The following MAP2 variants were observed in gnomAD, a reference collection of about 807,000 sequenced individuals.
The protein encoded by MAP2 is microtubule-associated protein 2.
MAP2 carries 14 observed loss-of-function variants against 137.6 expected under a neutral mutation model. The observed-to-expected ratio is 0.10, with a 90% confidence interval of 0.07 to 0.16. The LOEUF (loss-of-function observed/expected upper bound fraction) is 0.16. Among genes scored for constraint, MAP2 ranks in the 10% least tolerant of loss-of-function variants. The pLI, the probability that MAP2 is intolerant of heterozygous loss-of-function variation, is 1.00. For synonymous variants in MAP2, 786 were observed against 782.3 expected, an observed-to-expected ratio of 1.00 and a Z score of -0.08; for missense variants, 2,088 against 2,191.5, an observed-to-expected ratio of 0.95 and a Z score of 0.94.
intron 1 of MAP2, among the ~76,000 whole-genome samples, chr2:209,504,099 A>G (rs1291377946): frequency 2.1e-5 from 2 of 93,794 alleles, no homozygotes; most frequent in Non-Finnish European, 5.6e-5. Context: ...CTGTCTCTGG[A>G]AAAAAAAAAA....
chr2:209,577,916 T>C (rs367575788), intron 2 of MAP2, among the ~76,000 whole-genome samples: 27 of 152,222 alleles, frequency 1.8e-4, no homozygotes, highest in African/African-American at 6.5e-4. Context: ...TCAAATACAA[T>C]CCAGCACAGA....
chr2:209,436,024 A>T (rs984595456), intron 1 of MAP2, among the ~76,000 whole-genome samples: 10 of 123,078 alleles, frequency 8.1e-5, no homozygotes, highest in Non-Finnish European at 1.2e-4. Context: ...ATTATATATA[A>T]AATATATATA....
At chr2:209,552,496 T>A (rs2069412998) in intron 2 of MAP2, among the ~76,000 whole-genome samples, 2 of 152,228 alleles carry the variant, frequency 1.3e-5, no homozygotes, top group Non-Finnish European at 2.9e-5. Flanking sequence ...CATTTGTGTG[T>A]TACTACCATC....
chr2:209,499,957 T>A (rs1476284769), intron 1 of MAP2, among the ~76,000 whole-genome samples: 2 of 152,166 alleles, frequency 1.3e-5, no homozygotes, highest in Non-Finnish European at 2.9e-5. Flanking sequence ...ACATGAGATT[T>A]GGGTGGAGAC....
rs2059535568 is a variant in MAP2, at chr2:209,693,755, G to C, written c.1585G>C (p.Glu529Gln). The change falls in exon 8 of 16, where the codon GAA becomes CAA. Residue 529 changes from glutamate to glutamine, a missense_variant. This residue lies in a region of MAP2 where 859 missense variants were observed against 794.5 expected (regional missense o/e 1.08). Transcript: ENST00000682079. Reference sequence around the variant, plus strand: ...CATGACCGAACCATCTGCATTAATTGAAAAGAGCTCAATTCAGGAACTTTT... The same window carrying C: ...CATGACCGAACCATCTGCATTAATTCAAAAGAGCTCAATTCAGGAACTTTT... ...KAMTEPSALIEKSSIQELFEM... is the reference protein window; with the variant it reads ...KAMTEPSALIQKSSIQELFEM... 1.2e-6 allele frequency: 2 copies of C among 1,613,628 alleles called. No homozygotes were observed. Among genetic ancestry groups the C allele is most frequent in the Non-Finnish European group, 1.7e-6 (2 of 1,179,942 alleles).
At chr2:209,564,722 T>C (rs1056163761) in intron 2 of MAP2, among the ~76,000 whole-genome samples, 1 of 152,230 alleles carries the variant, frequency 6.6e-6, no homozygotes, top group African/African-American at 2.4e-5. Flanking sequence ...TGCAAAGAAT[T>C]AACCTTCTCA....
intron 14 of MAP2, among the ~76,000 whole-genome samples, chr2:209,727,678 C>G (rs2074556072): frequency 6.6e-6 from 1 of 152,160 alleles, no homozygotes; most frequent in African/African-American, 2.4e-5. Flanking sequence ...CATCTGGAGG[C>G]ACACACTGAA....
At chr2:209,460,622 CTT>C (rs912854925) in intron 1 of MAP2, among the ~76,000 whole-genome samples, 1 of 149,790 alleles carries the variant, frequency 6.7e-6, no homozygotes. Flanking sequence ...TTTCCTTCCT[CTT>C]TATTTTTTTC....
intron 7 of MAP2, chr2:209,690,819 A>G (rs1260505125): frequency 1.6e-6 from 2 of 1,286,798 alleles, no homozygotes; most frequent in Non-Finnish European, 2.0e-6. Context: ...GTGTCTCCAG[A>G]AGTAAAAACC....
chr2:209,656,151 TA>T (rs2095130677), intron 5 of MAP2, among the ~76,000 whole-genome samples: 1 of 152,134 alleles, frequency 6.6e-6, no homozygotes, highest in African/African-American at 2.4e-5. Flanking sequence ...TGCAAACCCA[TA>T]GTCAGTGTAT....
chr2:209,574,091 G>C (rs191073718), intron 2 of MAP2, among the ~76,000 whole-genome samples: 33 of 151,980 alleles, frequency 2.2e-4, no homozygotes, highest in African/African-American at 8.0e-4. Flanking sequence ...TTTGGTTTTT[G>C]TACAGTACAA....
At chr2:209,510,511 G>C (rs1010302123) in intron 2 of MAP2, among the ~76,000 whole-genome samples, 1 of 152,016 alleles carries the variant, frequency 6.6e-6, no homozygotes, top group Non-Finnish European at 1.5e-5. Context: ...TTTGAGGTGA[G>C]TAACGTGTAC....
chr2:209,459,065 T>G lies in MAP2; in HGVS notation c.-222+34789T>G, dbSNP rs115049090. On this transcript the variant is annotated intron_variant, in intron 1 of 15. Coordinates refer to ENST00000682079, the MANE Select transcript of MAP2 (RefSeq NM_001375505.1). ...CTATTTGTGAAATTCATTTTACCTCTGTAAGACATTTTAATTTTTTCCCTA... is the reference window on the plus strand; with the variant it reads ...CTATTTGTGAAATTCATTTTACCTCGGTAAGACATTTTAATTTTTTCCCTA... Among the ~76,000 whole-genome samples the G allele has an allele frequency of 2.5e-3, 376 of 152,358 alleles. 2 individuals carry two copies. Among genetic ancestry groups the G allele is most frequent in the African/African-American group, 8.6e-3 (356 of 41,596 alleles).
At chr2:209,506,685 A>G (rs1308586924) in intron 1 of MAP2, among the ~76,000 whole-genome samples, 1 of 152,180 alleles carries the variant, frequency 6.6e-6, no homozygotes, top group Non-Finnish European at 1.5e-5. Flanking sequence ...ACTTCTCAGC[A>G]TATTTTAGTA....
At chr2:209,614,104 T>C (rs375859334) in intron 3 of MAP2, among the ~76,000 whole-genome samples, 3 of 152,130 alleles carry the variant, frequency 2.0e-5, no homozygotes, top group African/African-American at 4.8e-5. Flanking sequence ...CTCCCCACTC[T>C]GCAGTTTCTG....
chr2:209,677,168 T>G (rs1197113968), intron 5 of MAP2, among the ~76,000 whole-genome samples: 1 of 151,878 alleles, frequency 6.6e-6, no homozygotes, highest in Non-Finnish European at 1.5e-5. Flanking sequence ...CAGATAATCC[T>G]CCTCATAATG....
chr2:209,531,488 C>G (rs2065103661), intron 2 of MAP2, among the ~76,000 whole-genome samples: 1 of 152,104 alleles, frequency 6.6e-6, no homozygotes, highest in Admixed American at 6.5e-5. Flanking sequence ...TTTCATAAAA[C>G]AAGTTATAAA....
At chr2:209,525,608 A>C (rs1453584102) in intron 2 of MAP2, among the ~76,000 whole-genome samples, 1 of 152,164 alleles carries the variant, frequency 6.6e-6, no homozygotes, top group Admixed American at 6.6e-5. Flanking sequence ...CTCTGGAAAA[A>C]GATATCATAG....
chr2:209,686,706 T>C (rs999681448), intron 7 of MAP2, among the ~76,000 whole-genome samples: 2 of 152,182 alleles, frequency 1.3e-5, no homozygotes, highest in African/African-American at 2.4e-5. Context: ...TAAGGAGATA[T>C]GTTTAAATAA....
Sources: allele counts gnomAD v4.1 joint callset (sites outside exome capture counted in the v4.1 genomes callset), GRCh38; gene constraint gnomAD v4.1.1; regional missense constraint gnomAD v4.1.1; transcripts MANE v1.5; gene names NCBI Gene and HGNC (gene_info 2026-07-23, HGNC 2026-07-21).